Variants in NFIC observed in about 807,000 individuals in gnomAD.
NFIC encodes the protein nuclear factor I C.
Under a neutral mutation model 54.4 loss-of-function variants are expected in NFIC, and 12 were observed. The observed-to-expected ratio is 0.22, with a 90% CI of 0.14 to 0.36. The LOEUF (loss-of-function observed/expected upper bound fraction) is 0.36, where lower values mean the gene tolerates loss of function less well. Ranked by LOEUF, NFIC falls within the 10% of genes least tolerant of loss-of-function variation. NFIC has a pLI of 1.00. For synonymous variants in NFIC, 322 were observed against 319.2 expected (o/e 1.01, Z -0.09); for missense variants, 575 against 718.2 (o/e 0.80, Z 2.28).
intron 6 of NFIC, 80 bp downstream of exon 6, chr19:3,435,287 C>G: frequency 7.0e-7 from 1 of 1,432,006 alleles, no homozygotes; most frequent in Non-Finnish European, 9.2e-7. Context: ...GCAGCCACTG[C>G]GCGGGCGCCG....
intron 6 of NFIC, among the ~76,000 whole-genome samples, chr19:3,437,282 G>A (rs1449130300): frequency 6.6e-6 from 1 of 152,014 alleles, no homozygotes; most frequent in Non-Finnish European, 1.5e-5. Context: ...GCAGGAGAAT[G>A]GCATGAACCC....
intron 2 of NFIC, among the ~76,000 whole-genome samples, chr19:3,389,107 T>C (rs1297999524): frequency 6.6e-6 from 1 of 152,088 alleles, no homozygotes; most frequent in South Asian, 2.1e-4. Context: ...CTCTGAGTCA[T>C]ACAGATCATA....
At chr19:3,442,366 C>T (rs2082307128) in intron 6 of NFIC, among the ~76,000 whole-genome samples, 1 of 150,334 alleles carries the variant, frequency 6.7e-6, no homozygotes. Context: ...TCTGTCACCC[C>T]AGGCTTCCCA....
At chr19:3,404,780 C>T (rs1270162163) in intron 2 of NFIC, among the ~76,000 whole-genome samples, 1 of 152,234 alleles carries the variant, frequency 6.6e-6, no homozygotes, top group South Asian at 2.1e-4. Context: ...GTCCCCAGCA[C>T]GGGGCGAGTC....
At chr19:3,450,482 C>A (rs2082444799) in intron 7 of NFIC, among the ~76,000 whole-genome samples, 1 of 152,020 alleles carries the variant, frequency 6.6e-6, no homozygotes, top group Admixed American at 6.6e-5. Flanking sequence ...ATGGTGAAAT[C>A]TCGTTTCTAC....
intron 6 of NFIC, among the ~76,000 whole-genome samples, chr19:3,435,797 C>T (rs2082191433): frequency 6.8e-6 from 1 of 146,730 alleles, no homozygotes; most frequent in Non-Finnish European, 1.5e-5. Context: ...TCAGAAGGGT[C>T]CTCTCTGGGG....
intron 7 of NFIC, among the ~76,000 whole-genome samples, chr19:3,450,802 C>G (rs2082450776): frequency 6.6e-6 from 1 of 152,224 alleles, no homozygotes; most frequent in African/African-American, 2.4e-5. Flanking sequence ...GTCATGCACA[C>G]AGAGAGGCAG....
chr19:3,406,994 C>T (rs1378353973), intron 2 of NFIC, among the ~76,000 whole-genome samples: 3 of 84,730 alleles, frequency 3.5e-5, no homozygotes, highest in African/African-American at 1.5e-4. Context: ...GCAGAGTGAG[C>T]GAGGGGGAGA....
At chr19:3,404,340 G>A (rs1183611944) in intron 2 of NFIC, among the ~76,000 whole-genome samples, 1 of 152,212 alleles carries the variant, frequency 6.6e-6, no homozygotes, top group Non-Finnish European at 1.5e-5. Flanking sequence ...GGGGGTGAGG[G>A]TGTGCGTGCG....
chr19:3,441,389 C>A (rs1032979738), intron 6 of NFIC, among the ~76,000 whole-genome samples: 1 of 152,262 alleles, frequency 6.6e-6, no homozygotes, highest in Non-Finnish European at 1.5e-5. Flanking sequence ...TCTGTGAGAT[C>A]AGGGCTGCCC....
At chr19:3,396,781 C>A (rs1043202932) in intron 2 of NFIC, among the ~76,000 whole-genome samples, 2 of 152,184 alleles carry the variant, frequency 1.3e-5, no homozygotes, top group Non-Finnish European at 2.9e-5. Flanking sequence ...CATGGCAAAA[C>A]CCTATCTCTA....
intron 3 of NFIC, among the ~76,000 whole-genome samples, chr19:3,431,357 CTTCTTTTTTTTTTT>C: frequency 7.9e-6 from 1 of 126,648 alleles, no homozygotes; most frequent in Admixed American, 8.7e-5. Flanking sequence ...TCTTTTCCTT[CTTCTTTTTTTTTTT>C]TTTTTTTTTT....
chr19:3,418,710 G>A (rs2081907224), intron 2 of NFIC, among the ~76,000 whole-genome samples: 2 of 152,142 alleles, frequency 1.3e-5, no homozygotes, highest in African/African-American at 4.8e-5. Flanking sequence ...AAATTAGCCA[G>A]GTGTGGTGGC....
chr19:3,394,028 C>T (rs2081418317), intron 2 of NFIC, among the ~76,000 whole-genome samples: 2 of 151,592 alleles, frequency 1.3e-5, no homozygotes, highest in African/African-American at 4.8e-5. Context: ...CTGCAACCTC[C>T]ACCTCCTGGG....
intron 2 of NFIC, among the ~76,000 whole-genome samples, chr19:3,389,866 C>T (rs915511573): frequency 6.6e-6 from 1 of 152,324 alleles, no homozygotes; most frequent in Non-Finnish European, 1.5e-5. Flanking sequence ...TGCCTGTAAT[C>T]CCAGCTAGTC....
intron 1 of NFIC, among the ~76,000 whole-genome samples, chr19:3,368,941 G>A (rs865931614): frequency 6.8e-6 from 1 of 147,502 alleles, no homozygotes; most frequent in Admixed American, 6.8e-5. Context: ...GTGTGTGTGT[G>A]TGTGTGTCTG....
intron 1 of NFIC, chr19:3,359,755 A>C (rs2080785721): frequency 2.2e-6 from 3 of 1,352,356 alleles, no homozygotes; most frequent in East Asian, 3.3e-5. Flanking sequence ...TCCGGGCGAA[A>C]GTTGCAAGAT....
In NFIC at chr19:3,453,640, C is replaced by T. The variant is rs1017647453; in HGVS notation, c.1270-123C>T. On this transcript the variant is annotated intron_variant, in intron 8 of 10. Coordinates refer to ENST00000443272, the MANE Select transcript of NFIC (RefSeq NM_001245002.2). The surrounding 1 kb of genome is among the most constrained non-coding windows in gnomAD (Gnocchi z 6.7). The stretch of plus-strand genomic sequence containing the variant: ...ACCAAACCCGCCATGGTCACACCCG[C>T]GCCCTGGCCCCCCAGCCTGCCACCC... The T allele has an allele frequency of 1.7e-5, 23 of 1,332,550 alleles. No individual in the cohort carries two copies. In the Admixed American group the frequency reaches 2.9e-4, roughly 17 times the overall value. The allele number at this position is 1,332,550 out of a possible 1,614,324, so 82.5% of individuals were successfully genotyped here. A position where few individuals can be genotyped will look rare whatever the true frequency, so the allele number is the denominator to read the frequency against.
chr19:3,373,502 C>G (rs539721378), intron 1 of NFIC, among the ~76,000 whole-genome samples: 1 of 151,966 alleles, frequency 6.6e-6, no homozygotes, highest in Non-Finnish European at 1.5e-5. Context: ...ACGCCAGGTG[C>G]GGTCCTGCCC....
Sources: gnomAD v4.1 joint callset for allele counts (sites outside exome capture counted in the v4.1 genomes callset) on GRCh38, gnomAD v4.1.1 for gene constraint, Gnocchi (gnomAD v3.1) non-coding constraint, MANE v1.5 for transcripts, NCBI Gene and HGNC (gene_info 2026-07-23, HGNC 2026-07-21) for gene names.